ZC3H4: variants seen among roughly 807,000 people sequenced by gnomAD.
The protein encoded by ZC3H4 is zinc finger CCCH-type containing 4, also known as zinc finger CCCH domain-containing protein 4.
ZC3H4 carries 13 observed loss-of-function variants against 108.3 expected under a neutral mutation model. That is an observed-to-expected ratio of 0.12 (90% confidence interval 0.08 to 0.19). The LOEUF is 0.19. Among genes scored for constraint, ZC3H4 ranks in the 10% least tolerant of loss-of-function variants. ZC3H4 has a pLI of 1.00. For synonymous variants in ZC3H4, 917 were observed against 749.6 expected (o/e 1.22, Z -3.65); for missense variants, 1,734 against 1,838.8 (o/e 0.94, Z 1.04).
chr19:47,109,873 T>G (rs2058015586), intron 2 of ZC3H4, among the ~76,000 whole-genome samples: 1 of 152,194 alleles, frequency 6.6e-6, no homozygotes, highest in African/African-American at 2.4e-5. Flanking sequence ...AACTTATGCT[T>G]GTAAAACACA....
In ZC3H4 at chr19:47,084,383, C is replaced by T; in HGVS notation, c.1180G>A (p.Val394Ile). The change falls in exon 9 of 15, where the codon GTC becomes ATC. Residue 394 changes from valine (V) to isoleucine (I), a missense_variant. By Grantham distance (29) the Val-to-Ile change is conservative. This residue lies in a region of ZC3H4 where 403 missense variants were observed against 457.0 expected (regional missense o/e 0.88). Coordinates refer to ENST00000253048, the MANE Select transcript of ZC3H4 (RefSeq NM_015168.2). ...CCTTCCACGAAGTACTTGCAAATGA[C>T]TTTGCCTTTCTTGTCCGACTGCTGG... The part of the protein sequence containing the change: ...PHQQSDKKGK[V>I]ICKYFVEGRC... 6 of 1,614,230 alleles carry T rather than the reference C, an allele frequency of 3.7e-6. No homozygotes were observed. Among genetic ancestry groups the T allele is most frequent in the Non-Finnish European group, 5.1e-6 (6 of 1,180,040 alleles).
At position 47,065,221 on chromosome 19, in the gene ZC3H4, T is replaced by TTAAG. The variant is rs2057177871; in HGVS notation, c.*1131_*1134dup. ...GCAGGGTTCCCACTCAGTCCGTTTC[T>TTAAG]TAAGTGTCCACAAATCCCACAGAGC... is the stretch of plus-strand genomic sequence containing the variant. On this transcript the variant is annotated 3_prime_UTR_variant, in exon 15 of 15. Coordinates refer to ENST00000253048, the MANE Select transcript of ZC3H4 (RefSeq NM_015168.2). 1 of 152,430 alleles carries TTAAG rather than the reference T, an allele frequency of 6.6e-6. No individual in the cohort carries two copies. Among genetic ancestry groups the TTAAG allele is most frequent in the South Asian group, 2.1e-4 (1 of 4,838 alleles). The allele number at this position is 152,430 out of a possible 1,614,324, so 9.4% of individuals were successfully genotyped here. A position where few individuals can be genotyped will look rare whatever the true frequency, so the allele number is the denominator to read the frequency against.
At position 47,071,845 on chromosome 19, in the gene ZC3H4, G is replaced by T; in HGVS notation, c.2079C>A (p.Asn693Lys). The T allele has an allele frequency of 1.2e-6, 2 of 1,613,794 alleles. 1 individual carries two copies. The highest frequency in any genetic ancestry group is 2.2e-5 in the South Asian group (2 of 91,062). The change falls in exon 13 of 15, where the codon AAC becomes AAA. Residue 693 changes from asparagine (N) to lysine (K), a missense_variant. Transcript: ENST00000253048. ...GCTGCTGGTAGAAGTTTTCATAGAA[G>T]TTCTGGGCTGGCGGGATAGGGGGCA... ...GMMPPIPPAQ[N>K]FYENFYQQQE...
chr19:47,108,095 G>A (rs2057990581), intron 2 of ZC3H4, among the ~76,000 whole-genome samples: 1 of 152,218 alleles, frequency 6.6e-6, no homozygotes, highest in Non-Finnish European at 1.5e-5. Context: ...TGCTCCTACA[G>A]TCTCTGATCT....
At position 47,085,046 on chromosome 19, in the gene ZC3H4, G is replaced by A. The variant is rs950516409; in HGVS notation, c.1107+10C>T. ...GGCCCAAACATCAGATCAGAGTGGA[G>A]TCAACTCACGCCCATGTCCTCGTCA... On this transcript the variant is annotated intron_variant, in intron 8 of 14. Transcript: ENST00000253048. 3 of 1,614,042 alleles carry A rather than the reference G, an allele frequency of 1.9e-6. No homozygotes were observed. The African/African-American group carries it at 4.0e-5, about 22-fold the overall frequency.
In ZC3H4 at chr19:47,067,158, C is replaced by T. The variant is rs767461623; in HGVS notation, c.3110G>A (p.Gly1037Asp). Residue 1037 changes from glycine (G) to aspartate (D), a missense_variant, in exon 15 of 15, where the codon GGC becomes GAC. Gly to Asp is a moderately conservative substitution (Grantham distance 94). Around this residue, in one of 9 missense-constraint regions of ZC3H4, gnomAD observed 518 missense variants for 499.6 expected, o/e 1.04. Transcript: ENST00000253048. This position sits in a 1 kb window ranked among gnomAD's most constrained non-coding sequence, Gnocchi z 6.4. ...AAGTTCAAAGTCGGGGAGGTTGGCG[C>T]CCTGTGTGCTGGAATCCGTGGAGGC... is the stretch of plus-strand genomic sequence containing the variant. ...PGASTDSSTQGANLPDFELLS... is the reference protein window; with the variant it reads ...PGASTDSSTQDANLPDFELLS... 4 of 1,611,942 alleles carry T rather than the reference C, an allele frequency of 2.5e-6. No homozygotes were observed. The highest frequency in any genetic ancestry group is 2.2e-5 in the East Asian group (1 of 44,838).
At chr19:47,105,683 C>T (rs1412271405) in intron 2 of ZC3H4, among the ~76,000 whole-genome samples, 4 of 152,314 alleles carry the variant, frequency 2.6e-5, no homozygotes, top group South Asian at 4.1e-4. Context: ...CATAGTTTGC[C>T]GACCCCTAGC....
chr19:47,066,983 G>C lies in ZC3H4; in HGVS notation c.3285C>G (p.Ala1095=), dbSNP rs746350746. 6.3e-6 allele frequency: 10 copies of C among 1,589,276 alleles called. No individual in the cohort carries two copies. In the African/African-American group the frequency reaches 8.1e-5, roughly 13 times the overall value. The change falls in exon 15 of 15, where the codon GCC becomes GCG. Residue 1095 remains alanine, a synonymous_variant. Transcript: ENST00000253048. ...PTDSTASSRA[A]KPGPAEAPSP... The stretch of plus-strand genomic sequence containing the variant: ...AGGGCGCCTCAGCAGGGCCGGGCTT[G>C]GCAGCCCGGGAGGAGGCCGTAGAGT...
intron 2 of ZC3H4, among the ~76,000 whole-genome samples, chr19:47,108,044 A>G (rs1443396877): frequency 6.6e-6 from 1 of 152,218 alleles, no homozygotes; most frequent in African/African-American, 2.4e-5. Flanking sequence ...AACTGGCTTC[A>G]TACCATGTTA....
intron 11 of ZC3H4, among the ~76,000 whole-genome samples, chr19:47,078,583 C>G (rs1234605846): frequency 6.6e-6 from 1 of 152,124 alleles, no homozygotes; most frequent in Non-Finnish European, 1.5e-5. Flanking sequence ...GTGGGTGGAT[C>G]AGGAATTCGA....
chr19:47,074,462 A>G (rs1300277459), intron 11 of ZC3H4, among the ~76,000 whole-genome samples: 1 of 152,170 alleles, frequency 6.6e-6, no homozygotes, highest in Non-Finnish European at 1.5e-5. Flanking sequence ...AGAATGTCTC[A>G]TCAGTTAGGA....
chr19:47,084,264 C>A, intron 9 of ZC3H4, 81 bp downstream of exon 9: 1 of 1,364,258 alleles, frequency 7.3e-7, no homozygotes, highest in South Asian at 1.2e-5. Context: ...ACCCTCACCA[C>A]GGCTCCAGAA....
intron 13 of ZC3H4, 39 bp downstream of exon 13, chr19:47,071,739 C>A: frequency 1.3e-6 from 2 of 1,549,424 alleles, no homozygotes; most frequent in East Asian, 2.3e-5. Context: ...CTGGGTAAAG[C>A]CTGCAGCCCC....
chr19:47,092,689 T>C (rs1380039556), intron 4 of ZC3H4, among the ~76,000 whole-genome samples: 2 of 151,850 alleles, frequency 1.3e-5, no homozygotes, highest in South Asian at 2.1e-4. Flanking sequence ...AGGTGGCACA[T>C]GCCTGTAATC....
At chr19:47,070,817 C>T (rs1415326281) in intron 13 of ZC3H4, among the ~76,000 whole-genome samples, 1 of 152,194 alleles carries the variant, frequency 6.6e-6, no homozygotes, top group Non-Finnish European at 1.5e-5. Context: ...ACGTCCAGCG[C>T]CCCATCCTCA....
At chr19:47,068,524 T>C (rs1037976581) in intron 14 of ZC3H4, among the ~76,000 whole-genome samples, 1 of 152,218 alleles carries the variant, frequency 6.6e-6, no homozygotes. Context: ...CAGTACAGCC[T>C]GGGCCATCAG....
intron 11 of ZC3H4, among the ~76,000 whole-genome samples, chr19:47,077,196 T>C (rs2057438188): frequency 6.7e-6 from 1 of 149,124 alleles, no homozygotes; most frequent in Non-Finnish European, 1.5e-5. Flanking sequence ...ATATATCAGG[T>C]GCGGTGGTTC....
rs1242257987 is a variant in ZC3H4, at chr19:47,067,905, G to T, written c.2399-36C>A. The T allele has an allele frequency of 5.2e-6, 8 of 1,539,200 alleles. No homozygotes were observed. The Admixed American group carries it at 7.7e-5, about 15-fold the overall frequency. On this transcript the variant is annotated intron_variant, in intron 14 of 14. Coordinates refer to ENST00000253048, the MANE Select transcript of ZC3H4 (RefSeq NM_015168.2). The surrounding 1 kb of genome is among the most constrained non-coding windows in gnomAD (Gnocchi z 6.4). ...ACAGAGGAGCAGGGAGGGGTGAGTGGGCGCATCCACCACCCGCCCTCTTGG... is the reference window on the plus strand; with the variant it reads ...ACAGAGGAGCAGGGAGGGGTGAGTGTGCGCATCCACCACCCGCCCTCTTGG...
At chr19:47,090,954 C>T (rs980630355) in intron 4 of ZC3H4, among the ~76,000 whole-genome samples, 2 of 152,172 alleles carry the variant, frequency 1.3e-5, no homozygotes, top group African/African-American at 2.4e-5. Flanking sequence ...TTTGAATAAA[C>T]TTAAAACAGC....
Sources: gnomAD v4.1 joint callset for allele counts (sites outside exome capture counted in the v4.1 genomes callset) on GRCh38, gnomAD v4.1.1 for gene constraint, gnomAD v4.1.1 regional missense constraint, Gnocchi (gnomAD v3.1) non-coding constraint, MANE v1.5 for transcripts, NCBI Gene and HGNC (gene_info 2026-07-23, HGNC 2026-07-21) for gene names.